Variants in NFATC1 observed in about 807,000 individuals in gnomAD.
NFATC1 encodes nuclear factor of activated T cells 1, also known as nuclear factor of activated T-cells, cytoplasmic 1.
In NFATC1, 22 loss-of-function variants were observed where a neutral mutation model predicts 76.0. The ratio of observed to expected loss-of-function variants is 0.29; its 90% CI spans 0.21 to 0.41. The LOEUF is 0.41. NFATC1 is among the 10% of genes least tolerant of loss of function. The pLI, the probability that NFATC1 is intolerant of heterozygous loss-of-function variation, is 1.00. For synonymous variants in NFATC1, 704 were observed against 613.1 expected (o/e 1.15, Z -2.19); for missense variants, 1,357 against 1,337.7 (o/e 1.01, Z -0.23).
At chr18:79,520,238 G>T (rs2090483679) in intron 9 of NFATC1, among the ~76,000 whole-genome samples, 1 of 137,732 alleles carries the variant, frequency 7.3e-6, no homozygotes, top group African/African-American at 2.5e-5. Context: ...CGGACGAAAT[G>T]TTGGAGCTGG....
At chr18:79,499,140 A>T (rs2089960899) in intron 9 of NFATC1, among the ~76,000 whole-genome samples, 1 of 152,246 alleles carries the variant, frequency 6.6e-6, no homozygotes, top group South Asian at 2.1e-4. Flanking sequence ...ACTGCATAAG[A>T]CACGATTGCA....
Position 79,524,190 on chromosome 18 carries a change from T to C in NFATC1, c.2783-3338T>C, listed in dbSNP as rs893063189. 6.6e-6 allele frequency among the ~76,000 whole-genome samples: 1 copy of C among 152,154 alleles called. No homozygotes were observed. Among genetic ancestry groups the C allele is most frequent in the Admixed American group, 6.5e-5 (1 of 15,284 alleles). On this transcript the variant is annotated intron_variant, in intron 9 of 9. Transcript: ENST00000427363. The surrounding 1 kb of genome is among the most constrained non-coding windows in gnomAD (Gnocchi z 7.2). ...TGGGGGGTGGGGGGGCGGTCCTGTC[T>C]TTCAGCCCAGCGCCAGCGAGCCACA... is the stretch of plus-strand genomic sequence containing the variant.
chr18:79,519,070 TA>T (rs949862785), intron 9 of NFATC1, among the ~76,000 whole-genome samples: 2 of 152,208 alleles, frequency 1.3e-5, no homozygotes, highest in Admixed American at 6.5e-5. Context: ...TCCCTTTTGC[TA>T]AACCTTGTTC....
rs901058835 is a variant in NFATC1, at chr18:79,514,627, C to T, written c.2783-12901C>T. On this transcript the variant is annotated intron_variant, in intron 9 of 9. Transcript: ENST00000427363. Reference sequence around the variant, plus strand: ...TCCCCACCCCCACCACCCTGGCATGCCTCCGAAGCAGGTGTCTTTTTTAAA... The same window carrying T: ...TCCCCACCCCCACCACCCTGGCATGTCTCCGAAGCAGGTGTCTTTTTTAAA... Among the ~76,000 whole-genome samples, 3 of 150,850 alleles carry T rather than the reference C, an allele frequency of 2.0e-5. No homozygotes were observed. In the East Asian group the frequency reaches 5.9e-4, roughly 30 times the overall value.
At chr18:79,436,320 C>G (rs914820833) in intron 3 of NFATC1, among the ~76,000 whole-genome samples, 1 of 152,234 alleles carries the variant, frequency 6.6e-6, no homozygotes, top group African/African-American at 2.4e-5. Flanking sequence ...ACAACTGGCG[C>G]GGGAGTTTCC....
chr18:79,457,137 C>A (rs1233260174), intron 6 of NFATC1, among the ~76,000 whole-genome samples: 2 of 152,238 alleles, frequency 1.3e-5, no homozygotes, highest in Non-Finnish European at 2.9e-5. Flanking sequence ...GCTTTGTCAC[C>A]ACATGGCGTC....
chr18:79,454,356 G>C (rs1447175767), intron 6 of NFATC1, among the ~76,000 whole-genome samples: 1 of 152,248 alleles, frequency 6.6e-6, no homozygotes, highest in Non-Finnish European at 1.5e-5. Context: ...GCCACCTTCA[G>C]CTGCTATGGG....
intron 9 of NFATC1, among the ~76,000 whole-genome samples, chr18:79,517,457 G>T (rs571896464): frequency 1.4e-4 from 21 of 152,250 alleles, no homozygotes; most frequent in Admixed American, 8.5e-4. Flanking sequence ...GTTTAATTAC[G>T]CTGTGTCCAG....
chr18:79,451,967 T>A, intron 6 of NFATC1, 151 bp downstream of exon 6: 2 of 888,568 alleles, frequency 2.3e-6, no homozygotes, highest in Non-Finnish European at 3.2e-6. Flanking sequence ...GTGGCCCGTG[T>A]CTGCATCCGG....
intron 9 of NFATC1, among the ~76,000 whole-genome samples, chr18:79,488,339 C>CT (rs1204615219): frequency 7.7e-6 from 1 of 130,062 alleles, no homozygotes; most frequent in African/African-American, 3.1e-5. Context: ...TGTGTGTGAA[C>CT]TTGAGGTAGT....
At chr18:79,418,462 C>T (rs559677176) in intron 2 of NFATC1, among the ~76,000 whole-genome samples, 2 of 152,174 alleles carry the variant, frequency 1.3e-5, no homozygotes, top group African/African-American at 2.4e-5. Context: ...AAGGCCTGTA[C>T]GGGGTGGGGG....
intron 3 of NFATC1, among the ~76,000 whole-genome samples, chr18:79,434,561 A>G (rs1259831547): frequency 6.6e-6 from 1 of 152,242 alleles, no homozygotes; most frequent in East Asian, 1.9e-4. Context: ...TGGCAGCCAC[A>G]GAGCAGCAAG....
chr18:79,467,790 G>A (rs2088590465), intron 8 of NFATC1: 1 of 201,372 alleles, frequency 5.0e-6, no homozygotes, highest in Non-Finnish European at 7.1e-6. Context: ...CCTGTTGGGG[G>A]TGGGGGGCGG....
rs1464903149 is a variant in NFATC1 at position 79,486,419 on chromosome 18, G to A, written c.2264G>A (p.Ser755Asn). 3 of 1,612,508 alleles carry A rather than the reference G, an allele frequency of 1.9e-6. No homozygotes were observed. Among genetic ancestry groups the A allele is most frequent in the Admixed American group, 3.3e-5 (2 of 60,014 alleles). The change falls in exon 9 of 10, where the codon AGC (serine) becomes AAC (asparagine). Residue 755 changes from serine (S) to asparagine (N), a missense_variant. Coordinates refer to ENST00000427363, the MANE Select transcript of NFATC1 (RefSeq NM_001278669.2). ...VAGFPPCPQR[S>N]TLMPAAPGVS... ...GGCTTCCCGCCCTGTCCGCAGAGAA[G>A]CACCCTGATGCCAGCGGCCCCTGGC...
intron 9 of NFATC1, among the ~76,000 whole-genome samples, chr18:79,514,624 A>G (rs1277065763): frequency 6.8e-6 from 1 of 146,508 alleles, no homozygotes; most frequent in African/African-American, 2.5e-5. Flanking sequence ...CCACCCTGGC[A>G]TGCCTCCGAA....
chr18:79,487,375 G>A (rs559239981), intron 9 of NFATC1, among the ~76,000 whole-genome samples: 2 of 152,188 alleles, frequency 1.3e-5, no homozygotes, highest in Non-Finnish European at 2.9e-5. Context: ...CAGCTTAGCC[G>A]AGGTGACGAG....
chr18:79,472,768 A>T (rs1348889597), intron 8 of NFATC1, among the ~76,000 whole-genome samples: 1 of 151,918 alleles, frequency 6.6e-6, no homozygotes, highest in Non-Finnish European at 1.5e-5. Context: ...TGATCCTGCC[A>T]CCGTGGCGGC....
chr18:79,419,517 C>A (rs555389635), intron 2 of NFATC1, among the ~76,000 whole-genome samples: 1 of 144,202 alleles, frequency 6.9e-6, no homozygotes, highest in Non-Finnish European at 1.5e-5. Flanking sequence ...GCCCGGGAGC[C>A]CCCCTAGGAG....
At chr18:79,447,217 C>G (rs538337653) in intron 3 of NFATC1, among the ~76,000 whole-genome samples, 1 of 152,216 alleles carries the variant, frequency 6.6e-6, no homozygotes, top group Non-Finnish European at 1.5e-5. Flanking sequence ...TTCGCCTGCC[C>G]GGGCCCCTCT....
Sources: allele counts gnomAD v4.1 joint callset (sites outside exome capture counted in the v4.1 genomes callset), GRCh38; gene constraint gnomAD v4.1.1; non-coding constraint Gnocchi (gnomAD v3.1); transcripts MANE v1.5; gene names NCBI Gene and HGNC (gene_info 2026-07-23, HGNC 2026-07-21).